Variants in SYT14 observed in about 807,000 individuals in gnomAD.
SYT14 encodes synaptotagmin 14.
Under a neutral mutation model 74.2 loss-of-function variants are expected in SYT14, and 32 were observed. The ratio of observed to expected loss-of-function variants is 0.43; its 90% CI spans 0.33 to 0.58. The LOEUF (loss-of-function observed/expected upper bound fraction) is 0.58. SYT14 is among the 20% of genes least tolerant of loss of function. The pLI, the probability that SYT14 is intolerant of heterozygous loss-of-function variation, is 0.05. For synonymous variants in SYT14, 298 were observed against 337.7 expected (o/e 0.88, Z 1.29); for missense variants, 791 against 981.8 (o/e 0.81, Z 2.60).
At chr1:210,012,353 T>C (rs1430084316) in intron 2 of SYT14, among the ~76,000 whole-genome samples, 1 of 152,212 alleles carries the variant, frequency 6.6e-6, no homozygotes, top group African/African-American at 2.4e-5. Context: ...AGGAACTGTT[T>C]ATATAACAAT....
At chr1:210,145,098 T>C (rs532049569) in intron 7 of SYT14, among the ~76,000 whole-genome samples, 79 of 152,308 alleles carry the variant, frequency 5.2e-4, no homozygotes, top group Non-Finnish European at 8.8e-4. Context: ...GTTAGAAAAA[T>C]CTTACATGAT....
intron 5 of SYT14, among the ~76,000 whole-genome samples, chr1:210,064,541 G>A (rs2081262949): frequency 6.6e-6 from 1 of 151,918 alleles, no homozygotes; most frequent in Non-Finnish European, 1.5e-5. Context: ...TTCTGTGTTT[G>A]GTTTATTTCA....
chr1:209,978,617 TG>T (rs1162481937), intron 2 of SYT14, among the ~76,000 whole-genome samples: 1 of 152,150 alleles, frequency 6.6e-6, no homozygotes, highest in Non-Finnish European at 1.5e-5. Flanking sequence ...CTGCCCCTAC[TG>T]GGGGGTGCCT....
At chr1:210,012,769 T>G (rs920400063) in intron 2 of SYT14, among the ~76,000 whole-genome samples, 59 of 151,812 alleles carry the variant, frequency 3.9e-4, no homozygotes, top group African/African-American at 1.4e-3. Context: ...TGGCGCGATC[T>G]CGGCTCACTG....
chr1:210,155,012 A>G (rs1214780850), intron 7 of SYT14, among the ~76,000 whole-genome samples: 1 of 152,160 alleles, frequency 6.6e-6, no homozygotes, highest in Admixed American at 6.5e-5. Flanking sequence ...TTATGTACCC[A>G]GTGATTATGG....
chr1:210,054,835 A>C (rs771101494), intron 5 of SYT14, among the ~76,000 whole-genome samples: 64 of 152,344 alleles, frequency 4.2e-4, no homozygotes, highest in Non-Finnish European at 8.1e-4. Context: ...GTAGCTGAGC[A>C]TTTAACTGTT....
intron 5 of SYT14, among the ~76,000 whole-genome samples, chr1:210,082,234 A>G (rs903465615): frequency 1.3e-5 from 2 of 152,172 alleles, no homozygotes. Context: ...TTCAAGCCAT[A>G]GAGCCATTCT....
At chr1:209,950,644 A>C (rs1362815407) in intron 1 of SYT14, among the ~76,000 whole-genome samples, 2 of 152,206 alleles carry the variant, frequency 1.3e-5, no homozygotes, top group African/African-American at 4.8e-5. Flanking sequence ...CCAAGTCAGA[A>C]TGAAGATCTA....
At chr1:210,032,727 A>T (rs1233753006) in intron 5 of SYT14, among the ~76,000 whole-genome samples, 1 of 113,656 alleles carries the variant, frequency 8.8e-6, no homozygotes, top group East Asian at 2.5e-4. Context: ...GTAGCAGAAG[A>T]ATATATCAAT....
rs1308007288 is a variant in SYT14, at chr1:210,094,314, A to G, written c.1313-8A>G. 1.2e-6 allele frequency: 2 copies of G among 1,613,774 alleles called. No homozygotes were observed. Among genetic ancestry groups the G allele is most frequent in the Non-Finnish European group, 1.7e-6 (2 of 1,179,778 alleles). On this transcript the variant is annotated splice_region_variant and splice_polypyrimidine_tract_variant and intron_variant, in intron 5 of 9. Coordinates refer to ENST00000637265, the Ensembl canonical transcript of SYT14. ...GGAAACAGTGACCAGATTCTTAATC[A>G]TTATCAGGAAACTGCATTCAGAGAA...
chr1:210,063,442 C>A (rs1209034363), intron 5 of SYT14, among the ~76,000 whole-genome samples: 1 of 151,796 alleles, frequency 6.6e-6, no homozygotes, highest in Non-Finnish European at 1.5e-5. Context: ...GTGTCTAATG[C>A]TGTAACATCA....
intron 5 of SYT14, among the ~76,000 whole-genome samples, chr1:210,075,038 A>G (rs180720478): frequency 1.1e-3 from 168 of 152,282 alleles, no homozygotes; most frequent in African/African-American, 3.9e-3. Flanking sequence ...ATTGAGCGCA[A>G]GTAGCTCTCA....
At chr1:209,972,498 C>T (rs1484359015) in intron 2 of SYT14, among the ~76,000 whole-genome samples, 1 of 151,904 alleles carries the variant, frequency 6.6e-6, no homozygotes, top group African/African-American at 2.4e-5. Context: ...TATGAACTTT[C>T]CTCTTAATAC....
At chr1:210,139,244 G>A (rs1005081307) in intron 7 of SYT14, among the ~76,000 whole-genome samples, 1 of 148,332 alleles carries the variant, frequency 6.7e-6, no homozygotes, top group Non-Finnish European at 1.5e-5. Context: ...GTACCACCAG[G>A]CCTGGCTAAT....
At chr1:210,001,446 A>G (rs1186214985) in intron 2 of SYT14, among the ~76,000 whole-genome samples, 1 of 151,974 alleles carries the variant, frequency 6.6e-6, no homozygotes, top group Non-Finnish European at 1.5e-5. Context: ...ATATTTCTGG[A>G]TTTGGGTTTT....
At chr1:209,945,644 C>G (rs2078810616) in intron 1 of SYT14, among the ~76,000 whole-genome samples, 1 of 152,086 alleles carries the variant, frequency 6.6e-6, no homozygotes, top group South Asian at 2.1e-4. Context: ...TCTAAAGTAG[C>G]CTTTCAGTGT....
At chr1:210,100,515 T>C in intron 7 of SYT14, 54 bp downstream of exon 6, 22 of 1,552,160 alleles carry the variant, frequency 1.4e-5, no homozygotes, top group Non-Finnish European at 1.9e-5. Context: ...GTTTATAGTA[T>C]GCACAATTTT....
exon 10 of SYT14, chr1:210,161,975 C>G: frequency 2.2e-6 from 1 of 453,732 alleles, no homozygotes; most frequent in South Asian, 1.6e-5. Flanking sequence ...GAAAACAATT[C>G]AATTTTAATT....
At chr1:209,949,265 G>A (rs972943289) in intron 1 of SYT14, among the ~76,000 whole-genome samples, 1 of 152,042 alleles carries the variant, frequency 6.6e-6, no homozygotes, top group East Asian at 1.9e-4. Context: ...CCCAGTCTTA[G>A]GAAGGATTGG....
Sources: gnomAD v4.1 joint callset for allele counts (sites outside exome capture counted in the v4.1 genomes callset) on GRCh38, gnomAD v4.1.1 for gene constraint, MANE v1.5 for transcripts, NCBI Gene and HGNC (gene_info 2026-07-23, HGNC 2026-07-21) for gene names.